The following TBRG1 variants were observed in gnomAD, a reference collection of about 807,000 sequenced individuals.
TBRG1 encodes nuclear interactor of ARF and MDM2.
In TBRG1, 31 loss-of-function variants were observed where a neutral mutation model predicts 44.0. The observed-to-expected ratio is 0.70, with a 90% CI of 0.53 to 0.95. The LOEUF is 0.95. Ranked by LOEUF, TBRG1 falls within the 40% of genes least tolerant of loss-of-function variation. The pLI is 0.00. For synonymous variants in TBRG1, 171 were observed against 188.1 expected, an observed-to-expected ratio of 0.91 and a Z score of 0.74; for missense variants, 487 against 496.1, an observed-to-expected ratio of 0.98 and a Z score of 0.18.
Position 124,633,754 on chromosome 11 carries a change from T to C in TBRG1, c.*1516T>C, listed in dbSNP as rs1942660867. 6.6e-6 allele frequency: 1 copy of C among 152,220 alleles called. No homozygotes were observed. The highest frequency in any genetic ancestry group is 2.1e-4 in the South Asian group (1 of 4,832). 9.4% of individuals were successfully genotyped at this position (152,220 alleles called of 1,614,324 possible). ...CTGCTTAAAATGTTAATGCAGTGTT[T>C]TTCTTTTTTTCTCTGCATAAATGGC... On this transcript the variant is annotated 3_prime_UTR_variant, in exon 9 of 9. Coordinates refer to ENST00000441174, the MANE Select transcript of TBRG1 (RefSeq NM_032811.3).
At position 124,622,875 on chromosome 11, in the gene TBRG1, A is replaced by G; in HGVS notation, c.-209A>G. ...TCCGGGAAGGGCTTACTTCCAAGAC[A>G]GACACGGAAGTGCTGGGAGGCGCCG... is the stretch of plus-strand genomic sequence containing the variant. On this transcript the variant is annotated 5_prime_UTR_variant, in exon 1 of 9. Coordinates refer to ENST00000441174, the MANE Select transcript of TBRG1 (RefSeq NM_032811.3). 6 of 558,690 alleles carry G rather than the reference A, an allele frequency of 1.1e-5. No individual in the cohort carries two copies. The highest frequency in any genetic ancestry group is 4.7e-5 in the South Asian group (2 of 42,174). 34.6% of individuals were successfully genotyped at this position (558,690 alleles called of 1,614,324 possible).
rs375171804 is a variant in TBRG1 at position 124,630,457 on chromosome 11, G to C, written c.808G>C (p.Glu270Gln). 6.2e-7 allele frequency: 1 copy of C among 1,613,648 alleles called. No individual in the cohort carries two copies. Among genetic ancestry groups the C allele is most frequent in the African/African-American group, 1.3e-5 (1 of 75,036 alleles). ...CTCTTCTGCAGATGCTTGTCATGCA[G>C]AACTGCTCAGGACTATAAGCACTAC... The part of the protein sequence containing the change: ...VSSSADACHA[E>Q]LLRTISTTMG... Residue 270 changes from glutamate to glutamine, a missense_variant, in exon 6 of 9, where the codon GAA (glutamate) becomes CAA (glutamine). Coordinates refer to ENST00000441174, the MANE Select transcript of TBRG1 (RefSeq NM_032811.3).
At chr11:124,630,146 T>C (rs1942576381) in intron 5 of TBRG1, 4 of 424,666 alleles carry the variant, frequency 9.4e-6, no homozygotes. Context: ...CACAACAAAT[T>C]AAACGCTCAC....
At chr11:124,626,721 C>T (rs1260802113) in intron 4 of TBRG1, 112 bp downstream of exon 4, 9 of 1,422,598 alleles carry the variant, frequency 6.3e-6, no homozygotes, top group Non-Finnish European at 8.7e-6. Flanking sequence ...CCATACCAAC[C>T]CCAGCGTATC....
rs1317705243 is a variant in TBRG1, at chr11:124,630,851, A to G, written c.943A>G (p.Ile315Val). ...IQSCPGARKC[I>V]NYQWVKFDVC... ...GAGCTGTCCAGGAGCTCGAAAATGC[A>G]TCAAGTAAGTGTGATCAAATTCATT... Residue 315 changes from isoleucine to valine, a missense_variant, in exon 7 of 9, where the codon ATC (isoleucine) becomes GTC (valine). Coordinates refer to ENST00000441174, the MANE Select transcript of TBRG1 (RefSeq NM_032811.3). The G allele has an allele frequency of 6.3e-7, 1 of 1,580,100 alleles. No homozygotes were observed. Among genetic ancestry groups the G allele is most frequent in the Non-Finnish European group, 8.6e-7 (1 of 1,158,226 alleles).
intron 7 of TBRG1, 102 bp from the exon 8 acceptor site, chr11:124,631,173 T>C: frequency 1.8e-6 from 2 of 1,142,580 alleles, no homozygotes; most frequent in Non-Finnish European, 2.4e-6. Context: ...TAGATATATA[T>C]GGGCGGAATA....
Position 124,625,355 on chromosome 11 carries a change from C to T in TBRG1, c.222-316C>T, listed in dbSNP as rs549729832. 7.9e-5 allele frequency among the ~76,000 whole-genome samples: 12 copies of T among 152,308 alleles called. No homozygotes were observed. The East Asian group carries it at 2.3e-3, about 29-fold the overall frequency. ...TCGTTCTACAAATATTTATTCTGTA[C>T]GTACTATTCTGTGCAAAGCACAATG... On this transcript the variant is annotated intron_variant, in intron 2 of 8. Transcript: ENST00000441174.
chr11:124,627,239 A>G (rs906773896), intron 5 of TBRG1, among the ~76,000 whole-genome samples, 189 bp downstream of exon 5: 3 of 152,210 alleles, frequency 2.0e-5, no homozygotes, highest in Admixed American at 6.5e-5. Flanking sequence ...ATGTGAATCT[A>G]TTATCTGTCT....
At chr11:124,629,263 C>T (rs750521025) in intron 5 of TBRG1, among the ~76,000 whole-genome samples, 44 of 151,884 alleles carry the variant, frequency 2.9e-4, no homozygotes, top group Non-Finnish European at 5.6e-4. Context: ...GGCGTGAACC[C>T]GGGAGGCGGA....
chr11:124,627,269 T>G (rs1355938026), intron 5 of TBRG1, among the ~76,000 whole-genome samples: 1 of 152,208 alleles, frequency 6.6e-6, no homozygotes, highest in Non-Finnish European at 1.5e-5. Flanking sequence ...ACTGATGCTC[T>G]TTTCTCTTGA....
chr11:124,627,953 G>A lies in TBRG1; in HGVS notation c.738+903G>A, dbSNP rs113323231. 2.3e-3 allele frequency among the ~76,000 whole-genome samples: 345 copies of A among 151,028 alleles called. 2 individuals are homozygous for A. Among genetic ancestry groups the A allele is most frequent in the African/African-American group, 7.9e-3 (325 of 41,262 alleles). On this transcript the variant is annotated intron_variant, in intron 5 of 8. Coordinates refer to ENST00000441174, the MANE Select transcript of TBRG1 (RefSeq NM_032811.3). ...ACATTTTTGAAAAAGAAGAATCTGT[G>A]GAGTTTTTAATTTTCTTTTTTAGGT...
chr11:124,632,193 C>G lies in TBRG1; in HGVS notation c.1191C>G (p.His397Gln), dbSNP rs780004386. The change falls in exon 9 of 9, where the codon CAC (histidine) becomes CAG (glutamine). Residue 397 changes from histidine (H) to glutamine (Q), a missense_variant. By Grantham distance (24) the His-to-Gln change is conservative. Coordinates refer to ENST00000441174, the MANE Select transcript of TBRG1 (RefSeq NM_032811.3). The part of the protein sequence containing the change: ...HEPLVDTHLQ[H>Q]LKSPSQGSPI... ...CCTTGGTAGATACTCACCTGCAGCACTTGAAGTCTCCATCACAGGGTAGCC... is the reference window on the plus strand; with the variant it reads ...CCTTGGTAGATACTCACCTGCAGCAGTTGAAGTCTCCATCACAGGGTAGCC... 2.5e-6 allele frequency: 4 copies of G among 1,613,684 alleles called. No homozygotes were observed. The African/African-American group carries it at 4.0e-5, about 16-fold the overall frequency.
intron 5 of TBRG1, among the ~76,000 whole-genome samples, chr11:124,627,879 G>C (rs1347054945): frequency 6.6e-6 from 1 of 151,632 alleles, no homozygotes; most frequent in Non-Finnish European, 1.5e-5. Context: ...AATCCTAGTA[G>C]AAATTGAAAA....
rs1050338682 is a variant in TBRG1 at position 124,626,684 on chromosome 11, T to G, written c.591+75T>G. On this transcript the variant is annotated intron_variant, in intron 4 of 8. Transcript: ENST00000441174. ...ATGGGGTTGAGCCTTCCCTCCCTGTTCCCATTAGCAGCAGCCTCTTGCTGA... is the reference window on the plus strand; with the variant it reads ...ATGGGGTTGAGCCTTCCCTCCCTGTGCCCATTAGCAGCAGCCTCTTGCTGA... 2.0e-6 allele frequency: 3 copies of G among 1,518,854 alleles called. No individual in the cohort carries two copies. The African/African-American group carries it at 4.1e-5, about 21-fold the overall frequency. The allele number at this position is 1,518,854 out of a possible 1,614,324, so 94.1% of individuals were successfully genotyped here.
At chr11:124,630,296 ACGTTC>A in intron 5 of TBRG1, 87 bp from the exon 6 acceptor site, 1 of 865,094 alleles carries the variant, frequency 1.2e-6, no homozygotes, top group Middle Eastern at 2.2e-4. Flanking sequence ...CGTCAGCTTC[ACGTTC>A]CAGAGTAAAG....
chr11:124,627,700 A>C (rs143864856), intron 5 of TBRG1, among the ~76,000 whole-genome samples: 214 of 152,300 alleles, frequency 1.4e-3, no homozygotes, highest in Non-Finnish European at 2.4e-3. Context: ...ACCCTGAGAC[A>C]GCTTGACTTC....
intron 6 of TBRG1, 119 bp from the exon 7 acceptor site, chr11:124,630,626 C>T (rs1181657254): frequency 1.0e-6 from 1 of 991,402 alleles, no homozygotes; most frequent in Non-Finnish European, 1.6e-6. Flanking sequence ...CCAACTAGAG[C>T]CTCCACATTA....
rs1462429647 is a variant in TBRG1, at chr11:124,625,717, G to C, written c.268G>C (p.Glu90Gln). The C allele has an allele frequency of 6.4e-7, 1 of 1,555,018 alleles. No homozygotes were observed. Among genetic ancestry groups the C allele is most frequent in the East Asian group, 2.4e-5 (1 of 41,394 alleles). Residue 90 changes from glutamate to glutamine, a missense_variant, in exon 3 of 9, where the codon GAA (glutamate) becomes CAA (glutamine). Glu to Gln is a conservative substitution (Grantham distance 29). Coordinates refer to ENST00000441174, the MANE Select transcript of TBRG1 (RefSeq NM_032811.3). ...CCAGCTTCAGGCTCTAACTGAAGGGGAAGTACAGGCTGCAGCTCCTTCCCA... is the reference window on the plus strand; with the variant it reads ...CCAGCTTCAGGCTCTAACTGAAGGGCAAGTACAGGCTGCAGCTCCTTCCCA... ...LLQLQALTEG[E>Q]VQAAAPSHSS...
intron 1 of TBRG1, among the ~76,000 whole-genome samples, chr11:124,624,703 C>T (rs1343464024): frequency 6.6e-6 from 1 of 152,178 alleles, no homozygotes; most frequent in Non-Finnish European, 1.5e-5. Context: ...CCCCTTTTCA[C>T]TCAAAGATGT....
Sources: gnomAD v4.1 joint callset for allele counts (sites outside exome capture counted in the v4.1 genomes callset) on GRCh38, gnomAD v4.1.1 for gene constraint, MANE v1.5 for transcripts, NCBI Gene and HGNC (gene_info 2026-07-23, HGNC 2026-07-21) for gene names.